FBXL17: variants seen among roughly 807,000 people sequenced by gnomAD.
The protein encoded by FBXL17 is F-box and leucine rich repeat protein 17.
A neutral mutation model predicts 66.2 loss-of-function variants in FBXL17; 22 were observed. That is an observed-to-expected ratio of 0.33 (90% CI 0.24 to 0.47). FBXL17 has a LOEUF of 0.47. Ranked by LOEUF, FBXL17 falls within the 20% of genes least tolerant of loss-of-function variation. The pLI is 1.00. For synonymous variants in FBXL17, 474 were observed against 400.5 expected (o/e 1.18, Z -2.19); for missense variants, 878 against 948.2 (o/e 0.93, Z 0.97).
At chr5:108,160,115 C>T (rs1175866098) in intron 6 of FBXL17, among the ~76,000 whole-genome samples, 2 of 152,278 alleles carry the variant, frequency 1.3e-5, no homozygotes, top group African/African-American at 2.4e-5. Context: ...CCTATTTGTA[C>T]TCACGTTGGC....
rs34101023 is a variant in FBXL17 at position 108,183,034 on chromosome 5, ATTTT to A, written c.1745+3079_1745+3082del. Among the ~76,000 whole-genome samples, 433 of 91,540 alleles carry A rather than the reference ATTTT, an allele frequency of 4.7e-3. 3 individuals carry two copies. The highest frequency in any genetic ancestry group is 0.017 in the African/African-American group (402 of 24,312). The allele number at this position is 91,540 out of a possible 152,430, so 60.1% of individuals were successfully genotyped here. ...CACCTTATTGCAGAAACAGTTTTCT[ATTTT>A]TTTTTTTTTTTTTTTTTTTGAGACA... On this transcript the variant is annotated intron_variant, in intron 6 of 8. Coordinates refer to ENST00000542267, the MANE Select transcript of FBXL17 (RefSeq NM_001163315.3).
At chr5:107,880,704 C>A (rs1549923) in intron 8 of FBXL17, 108,047 of 1,270,496 alleles carry the variant, frequency 0.085, 5,312 homozygotes, top group South Asian at 0.2. Flanking sequence ...TACGGTTAGA[C>A]CCTGCAAATT....
At chr5:108,121,051 C>T (rs778623953) in intron 6 of FBXL17, among the ~76,000 whole-genome samples, 9 of 152,072 alleles carry the variant, frequency 5.9e-5, no homozygotes, top group African/African-American at 1.9e-4. Flanking sequence ...TCTTTTTGGC[C>T]GAGTGCGGTG....
rs548747410 is a variant in FBXL17, at chr5:107,872,860, G to A, written c.1965+8177C>T. Among the ~76,000 whole-genome samples the A allele has an allele frequency of 2.6e-5, 4 of 152,220 alleles. No homozygotes were observed. The South Asian group carries it at 6.2e-4, about 24-fold the overall frequency. ...AATGGCGGCACAGGGAGACGATGGCGAATGCAGAGATAGCAGCAAAGCTGG... is the reference window on the plus strand; with the variant it reads ...AATGGCGGCACAGGGAGACGATGGCAAATGCAGAGATAGCAGCAAAGCTGG... On this transcript the variant is annotated intron_variant, in intron 8 of 8. Coordinates refer to ENST00000542267, the MANE Select transcript of FBXL17 (RefSeq NM_001163315.3).
intron 7 of FBXL17, among the ~76,000 whole-genome samples, chr5:107,991,017 TA>T (rs1753219717): frequency 8.9e-6 from 1 of 112,552 alleles, no homozygotes; most frequent in Non-Finnish European, 2.0e-5. Context: ...TGAAAAGGGC[TA>T]GTTACAGACA....
chr5:108,307,432 G>A (rs1235979116), intron 4 of FBXL17, among the ~76,000 whole-genome samples: 2 of 151,890 alleles, frequency 1.3e-5, no homozygotes, highest in Admixed American at 6.6e-5. Context: ...TCAGCTTCCC[G>A]AGTAGTTGGG....
At chr5:108,195,296 T>C (rs528928320) in intron 5 of FBXL17, among the ~76,000 whole-genome samples, 3 of 152,180 alleles carry the variant, frequency 2.0e-5, no homozygotes, top group East Asian at 1.9e-4. Flanking sequence ...TCAAGGATGA[T>C]CTTACTGAAA....
intron 4 of FBXL17, among the ~76,000 whole-genome samples, chr5:108,238,731 C>A (rs188870331): frequency 6.6e-6 from 1 of 152,180 alleles, no homozygotes; most frequent in Non-Finnish European, 1.5e-5. Context: ...GTTGCCCAGG[C>A]TGGTTTTGAA....
intron 5 of FBXL17, among the ~76,000 whole-genome samples, chr5:108,207,022 C>T (rs370348733): frequency 2.6e-5 from 4 of 152,104 alleles, no homozygotes; most frequent in East Asian, 1.9e-4. Flanking sequence ...TGTAACTGGA[C>T]CACATACCTA....
intron 4 of FBXL17, among the ~76,000 whole-genome samples, chr5:108,249,837 A>G (rs1050056561): frequency 4.6e-5 from 7 of 152,140 alleles, no homozygotes; most frequent in Admixed American, 3.3e-4. Flanking sequence ...GCACACTAGG[A>G]AAGTCCTGCT....
chr5:108,045,443 A>AAAT (rs1046850868), intron 6 of FBXL17, among the ~76,000 whole-genome samples: 8 of 134,898 alleles, frequency 5.9e-5, no homozygotes, highest in East Asian at 2.3e-4. Context: ...CTCTGTCTCA[A>AAAT]AATAATAATA....
chr5:107,933,871 G>A (rs775518801), intron 7 of FBXL17, among the ~76,000 whole-genome samples: 12 of 152,092 alleles, frequency 7.9e-5, no homozygotes, highest in Admixed American at 3.3e-4. Context: ...GGGAAGGGAA[G>A]GAAAGGATGT....
intron 5 of FBXL17, among the ~76,000 whole-genome samples, chr5:108,219,088 G>C (rs1754735842): frequency 6.6e-6 from 1 of 152,150 alleles, no homozygotes; most frequent in Non-Finnish European, 1.5e-5. Flanking sequence ...ATTCATGAAA[G>C]ATAGTGATGT....
At chr5:108,030,703 T>C (rs553337378) in intron 6 of FBXL17, among the ~76,000 whole-genome samples, 3 of 152,090 alleles carry the variant, frequency 2.0e-5, no homozygotes, top group African/African-American at 7.2e-5. Context: ...AATAAAGGCA[T>C]AACATTCTGG....
chr5:108,296,834 AAC>A (rs932951467), intron 4 of FBXL17, among the ~76,000 whole-genome samples: 15 of 151,664 alleles, frequency 9.9e-5, no homozygotes, highest in African/African-American at 1.4e-4. Flanking sequence ...CAAACAAAAT[AAC>A]ACATTCAATA....
chr5:108,340,067 C>T (rs978529795), intron 4 of FBXL17, among the ~76,000 whole-genome samples: 1 of 151,490 alleles, frequency 6.6e-6, no homozygotes, highest in African/African-American at 2.4e-5. Context: ...TTCTTTATTG[C>T]TTTCAATGCC....
chr5:107,878,043 T>C (rs925261075), intron 8 of FBXL17, among the ~76,000 whole-genome samples: 1 of 152,234 alleles, frequency 6.6e-6, no homozygotes, highest in Non-Finnish European at 1.5e-5. Context: ...CAAATCTTTC[T>C]GCATCCCTGT....
At chr5:108,258,915 A>G (rs1314075060) in intron 4 of FBXL17, among the ~76,000 whole-genome samples, 6 of 152,128 alleles carry the variant, frequency 3.9e-5, no homozygotes, top group Non-Finnish European at 2.9e-5. Context: ...CATAATAAAC[A>G]TAATAGATAA....
At chr5:108,295,398 A>T (rs903992158) in intron 4 of FBXL17, among the ~76,000 whole-genome samples, 1 of 152,040 alleles carries the variant, frequency 6.6e-6, no homozygotes, top group Non-Finnish European at 1.5e-5. Flanking sequence ...TCCTCATAGT[A>T]TTCTTATAAC....
Sources: allele counts gnomAD v4.1 joint callset (sites outside exome capture counted in the v4.1 genomes callset), GRCh38; gene constraint gnomAD v4.1.1; transcripts MANE v1.5; gene names NCBI Gene and HGNC (gene_info 2026-07-23, HGNC 2026-07-21).